ZFHX3: variants seen among roughly 807,000 people sequenced by gnomAD.
The protein encoded by ZFHX3 is zinc finger homeobox protein 3.
In ZFHX3, 42 loss-of-function variants were observed where a neutral mutation model predicts 279.1. That is an observed-to-expected ratio of 0.15 (90% confidence interval 0.12 to 0.19). The LOEUF is 0.19. Among genes scored for constraint, ZFHX3 ranks in the 10% least tolerant of loss-of-function variants. The pLI is 1.00. For missense variants in ZFHX3, 4,981 were observed against 4,754.0 expected, an observed-to-expected ratio of 1.05 and a Z score of -1.40; for synonymous variants, 2,293 against 1,957.8, an observed-to-expected ratio of 1.17 and a Z score of -4.52.
chr16:73,633,058 A>T (rs1442642091), intron 2 of ZFHX3, among the ~76,000 whole-genome samples: 1 of 152,252 alleles, frequency 6.6e-6, no homozygotes, highest in African/African-American at 2.4e-5. Context: ...TAGGCTGGAC[A>T]ACAAAGCGAG....
At chr16:73,388,055 A>C (rs2016936523) in intron 3 of ZFHX3, among the ~76,000 whole-genome samples, 1 of 152,096 alleles carries the variant, frequency 6.6e-6, no homozygotes, top group Admixed American at 6.5e-5. Context: ...GGAGGGGGAG[A>C]GAAACCTCTA....
At chr16:73,310,478 C>G (rs906336383) in intron 4 of ZFHX3, among the ~76,000 whole-genome samples, 1 of 152,186 alleles carries the variant, frequency 6.6e-6, no homozygotes, top group Admixed American at 6.5e-5. Flanking sequence ...GAGACAAAGA[C>G]CAGTAGCTCT....
intron 8 of ZFHX3, among the ~76,000 whole-genome samples, chr16:73,068,605 C>T (rs1277742692): frequency 6.6e-6 from 1 of 152,150 alleles, no homozygotes; most frequent in African/African-American, 2.4e-5. Flanking sequence ...CATACCAGGC[C>T]TTTTTGTTTT....
chr16:73,492,722 AT>A (rs1461095028), intron 2 of ZFHX3, among the ~76,000 whole-genome samples: 6 of 152,180 alleles, frequency 3.9e-5, no homozygotes, highest in African/African-American at 9.7e-5. Context: ...TTTCACCGTT[AT>A]TTATCTTTGT....
At chr16:73,734,739 AAAT>A (rs1373761668) in intron 1 of ZFHX3, among the ~76,000 whole-genome samples, 3 of 152,188 alleles carry the variant, frequency 2.0e-5, no homozygotes, top group African/African-American at 7.2e-5. Context: ...GAAATATTAA[AAAT>A]AACAAATTTG....
At chr16:73,144,446 C>G (rs979095964) in intron 5 of ZFHX3, 1 of 152,172 alleles carries the variant, frequency 6.6e-6, no homozygotes, top group Non-Finnish European at 1.5e-5. Context: ...CTTTACAAAT[C>G]CAAAGGAAAC....
chr16:73,044,095 G>A (rs569323269), intron 1 of ZFHX3, among the ~76,000 whole-genome samples: 1 of 152,076 alleles, frequency 6.6e-6, no homozygotes, highest in South Asian at 2.1e-4. Context: ...CTCCTGCCAA[G>A]GAATTCCCTT....
intron 7 of ZFHX3, among the ~76,000 whole-genome samples, chr16:73,129,749 C>G (rs1015249088): frequency 6.6e-6 from 1 of 151,862 alleles, no homozygotes; most frequent in Admixed American, 6.6e-5. Flanking sequence ...TATGCCCACT[C>G]GCCAATGTCT....
intron 2 of ZFHX3, among the ~76,000 whole-genome samples, chr16:73,660,881 G>T (rs1442600889): frequency 6.6e-6 from 1 of 152,138 alleles, no homozygotes; most frequent in Non-Finnish European, 1.5e-5. Context: ...CACTTGCATA[G>T]AACTTGCTGA....
chr16:73,786,099 G>A (rs949651759), intron 1 of ZFHX3, among the ~76,000 whole-genome samples: 6 of 151,998 alleles, frequency 3.9e-5, no homozygotes, highest in Admixed American at 6.6e-5. Flanking sequence ...TCGAACTCCC[G>A]ACCTCAGATG....
At chr16:73,188,792 C>G (rs1967968874) in intron 5 of ZFHX3, among the ~76,000 whole-genome samples, 1 of 151,950 alleles carries the variant, frequency 6.6e-6, no homozygotes, top group African/African-American at 2.4e-5. Flanking sequence ...CAGAACAAAT[C>G]CTGAAACACT....
intron 2 of ZFHX3, among the ~76,000 whole-genome samples, chr16:73,566,418 A>G (rs2020451520): frequency 6.6e-6 from 1 of 152,210 alleles, no homozygotes; most frequent in African/African-American, 2.4e-5. Flanking sequence ...GTCTGAAATC[A>G]AGGTATCAAC....
At chr16:73,798,224 A>G (rs922266977) in intron 1 of ZFHX3, among the ~76,000 whole-genome samples, 1 of 152,018 alleles carries the variant, frequency 6.6e-6, no homozygotes, top group Non-Finnish European at 1.5e-5. Flanking sequence ...CTATTTATTG[A>G]AGTAATGAGA....
At chr16:73,304,954 T>G (rs1006990927) in intron 4 of ZFHX3, among the ~76,000 whole-genome samples, 8 of 152,190 alleles carry the variant, frequency 5.3e-5, no homozygotes, top group African/African-American at 1.9e-4. Context: ...CTATGAATTT[T>G]TATTCTTGTG....
intron 3 of ZFHX3, among the ~76,000 whole-genome samples, chr16:73,319,697 G>A (rs1484994341): frequency 6.6e-6 from 1 of 152,182 alleles, no homozygotes; most frequent in Non-Finnish European, 1.5e-5. Context: ...TAAGTCTAGT[G>A]CCACACTGGC....
intron 4 of ZFHX3, among the ~76,000 whole-genome samples, chr16:73,303,576 T>C (rs1309836985): frequency 6.6e-6 from 1 of 152,162 alleles, no homozygotes; most frequent in African/African-American, 2.4e-5. Context: ...AAAAAGTCAC[T>C]TTATAACTGG....
rs35416481 is a variant in ZFHX3 at position 73,589,435 on chromosome 16, CAA to C, written c.-1547+90743_-1547+90744del. 1.4e-3 allele frequency among the ~76,000 whole-genome samples: 193 copies of C among 136,132 alleles called. 1 individual carries two copies. The highest frequency in any genetic ancestry group is 7.5e-3 in the Middle Eastern group (2 of 268). 89.3% of individuals were successfully genotyped at this position (136,132 alleles called of 152,430 possible). A position where few individuals can be genotyped will look rare whatever the true frequency, so the allele number is the denominator to read the frequency against. On this transcript the variant is annotated intron_variant, in intron 2 of 17. Coordinates refer to the ZFHX3 transcript ENST00000641206. The stretch of plus-strand genomic sequence containing the variant: ...TGGGCAGCAGAGCAAGACGCTCTTT[CAA>C]AAAAAAAAAAAAGGCTGGGCACGGT...
At chr16:73,415,650 A>C (rs2017556212) in intron 3 of ZFHX3, among the ~76,000 whole-genome samples, 1 of 152,316 alleles carries the variant, frequency 6.6e-6, no homozygotes, top group Middle Eastern at 3.4e-3. Context: ...AAAGATTCAT[A>C]GGCCATTTCC....
At chr16:73,503,602 T>A (rs1259331639) in intron 2 of ZFHX3, among the ~76,000 whole-genome samples, 1 of 152,174 alleles carries the variant, frequency 6.6e-6, no homozygotes, top group Non-Finnish European at 1.5e-5. Context: ...AGTTACAGTG[T>A]TTTTTGATTT....
Sources: gnomAD v4.1 joint callset for allele counts (sites outside exome capture counted in the v4.1 genomes callset) on GRCh38, gnomAD v4.1.1 for gene constraint, MANE v1.5 for transcripts, NCBI Gene and HGNC (gene_info 2026-07-23, HGNC 2026-07-21) for gene names.